The following RIPPLY3 variants were observed in gnomAD, a reference collection of about 807,000 sequenced individuals.
RIPPLY3 encodes ripply transcriptional repressor 3, also known as protein ripply3.
RIPPLY3 carries 8 observed loss-of-function variants against 11.9 expected under a neutral mutation model. That is an observed-to-expected ratio of 0.67 (90% confidence interval 0.40 to 1.21). The LOEUF is 1.21. Among genes scored for constraint, RIPPLY3 ranks in the 50% most tolerant of loss-of-function variants. RIPPLY3 has a pLI of 0.01. For missense variants in RIPPLY3, 271 were observed against 246.0 expected, an observed-to-expected ratio of 1.10 and a Z score of -0.68; for synonymous variants, 102 against 99.0, an observed-to-expected ratio of 1.03 and a Z score of -0.18.
At chr21:37,008,299 T>A in intron 2 of RIPPLY3, 76 bp downstream of exon 2, 1 of 1,492,524 alleles carries the variant, frequency 6.7e-7, no homozygotes, top group Non-Finnish European at 9.3e-7. Flanking sequence ...ACAGGGACCG[T>A]GAATGGCCTT....
intron 1 of RIPPLY3, 28 bp from the exon 2 acceptor site, chr21:37,008,129 C>T: frequency 6.2e-7 from 1 of 1,612,248 alleles, no homozygotes; most frequent in Non-Finnish European, 8.5e-7. Context: ...GCCCAGGGTT[C>T]ACTCTCTCCT....
At chr21:37,006,575 C>T (rs1969554352), upstream of RIPPLY3, 1 of 366,150 alleles carries the variant, frequency 2.7e-6, no homozygotes, top group Admixed American at 4.7e-5. This position sits in a 1 kb window ranked among gnomAD's most constrained non-coding sequence, Gnocchi z 5.2. Context: ...CCGACCCGGG[C>T]TTTTCCTTCG....
intron 2 of RIPPLY3, among the ~76,000 whole-genome samples, chr21:37,009,158 G>GA (rs1257498748): frequency 6.6e-6 from 1 of 152,004 alleles, no homozygotes; most frequent in Admixed American, 6.6e-5. Context: ...TATACTTACT[G>GA]ATGTAATGAC....
rs543294816 is a variant in RIPPLY3, at chr21:37,007,796, G to T, written c.105-361G>T. On this transcript the variant is annotated intron_variant, in intron 1 of 3. Coordinates refer to ENST00000329553, the MANE Select transcript of RIPPLY3 (RefSeq NM_018962.3). ...TCTCCTTCCGTGACCAAGGTGGTGTGATTGAAATTAACCGGGGACAAAGTA... is the reference window on the plus strand; with the variant it reads ...TCTCCTTCCGTGACCAAGGTGGTGTTATTGAAATTAACCGGGGACAAAGTA... 4.6e-5 allele frequency among the ~76,000 whole-genome samples: 7 copies of T among 152,322 alleles called. No homozygotes were observed. In the East Asian group the frequency reaches 1.4e-3, roughly 29 times the overall value.
chr21:37,007,553 C>T (rs1601093886), intron 1 of RIPPLY3, among the ~76,000 whole-genome samples: 2 of 151,668 alleles, frequency 1.3e-5, no homozygotes, highest in African/African-American at 4.8e-5. Context: ...GGATTACACG[C>T]GCCTGCCACC....
At chr21:37,009,805 T>C (rs1451211791) in intron 2 of RIPPLY3, among the ~76,000 whole-genome samples, 1 of 152,220 alleles carries the variant, frequency 6.6e-6, no homozygotes, top group Non-Finnish European at 1.5e-5. Flanking sequence ...GATCAGCAGG[T>C]AGCCTGTCAC....
At position 37,013,589 on chromosome 21, in the gene RIPPLY3, G is replaced by C. The variant is rs376066252; in HGVS notation, c.210G>C (p.Lys70Asn). ...PRADQHTFGS[K>N]GAFGFQHPVR... ...CTGACCAACACACTTTTGGATCAAA[G>C]GGAGCCTTTGGGTTTCAGCATCCTG... is the stretch of plus-strand genomic sequence containing the variant. The change falls in exon 3 of 4, where the codon AAG becomes AAC. Residue 70 changes from lysine (K) to asparagine (N), a missense_variant. Physicochemically the swap from Lys to Asn is moderately conservative, Grantham distance 94 (BLOSUM62 0). Transcript: ENST00000329553. 6.2e-7 allele frequency: 1 copy of C among 1,613,634 alleles called. No homozygotes were observed.
intron 2 of RIPPLY3, among the ~76,000 whole-genome samples, chr21:37,011,341 G>A (rs1248364659): frequency 6.6e-6 from 1 of 152,178 alleles, no homozygotes; most frequent in African/African-American, 2.4e-5. Flanking sequence ...ATATGTTTGT[G>A]GGGTAAGGTT....
intron 1 of RIPPLY3, 111 bp from the exon 2 acceptor site, chr21:37,008,045 TC>T (rs1172760881): frequency 3.8e-6 from 4 of 1,062,520 alleles, no homozygotes; most frequent in Non-Finnish European, 5.5e-6. Flanking sequence ...TCCTGGGGGG[TC>T]CGGTGCCTCT....
chr21:37,009,047 T>G (rs1442268245), intron 2 of RIPPLY3, among the ~76,000 whole-genome samples: 2 of 152,112 alleles, frequency 1.3e-5, no homozygotes, highest in African/African-American at 4.8e-5. Context: ...CTGGGGTATC[T>G]CATGTTGTCT....
chr21:37,018,322 C>A lies in RIPPLY3; in HGVS notation c.*115C>A. The A allele has an allele frequency of 1.2e-6, 1 of 839,716 alleles. No individual in the cohort carries two copies. The highest frequency in any genetic ancestry group is 1.9e-6 in the Non-Finnish European group (1 of 523,404). 52.0% of individuals were successfully genotyped at this position (839,716 alleles called of 1,614,324 possible). A position where few individuals can be genotyped will look rare whatever the true frequency, so the allele number is the denominator to read the frequency against. ...GAGTGTGCAGAGGCTAGAGGCTTCT[C>A]GGGCAGCCCCTGGCCTGCACACTAC... On this transcript the variant is annotated 3_prime_UTR_variant, in exon 4 of 4. Transcript: ENST00000329553.
chr21:37,006,693 G>A, upstream of RIPPLY3: 1 of 939,214 alleles, frequency 1.1e-6, no homozygotes, highest in Non-Finnish European at 1.4e-6. The surrounding 1 kb of genome is among the most constrained non-coding windows in gnomAD (Gnocchi z 5.2). Context: ...CGCGCGGGTA[G>A]GTGAGCGCGT....
upstream of RIPPLY3, chr21:37,006,629 C>A: frequency 4.7e-6 from 2 of 422,266 alleles, no homozygotes; most frequent in Non-Finnish European, 3.9e-6. This position sits in a 1 kb window ranked among gnomAD's most constrained non-coding sequence, Gnocchi z 5.2. Context: ...CTCCTCGGGT[C>A]CTGCCCCCTC....
At chr21:37,006,658 GC>G, upstream of RIPPLY3, 1 of 612,184 alleles carries the variant, frequency 1.6e-6, no homozygotes, top group Middle Eastern at 5.3e-4. The surrounding 1 kb of genome is among the most constrained non-coding windows in gnomAD (Gnocchi z 5.2). Flanking sequence ...TGCCCGCGCC[GC>G]CCCGCCCCCG....
rs549609649 is a variant in RIPPLY3 at position 37,015,635 on chromosome 21, G to A, written c.239+2017G>A. ...CAGTGAACCCCATGTACCCATCACCGGCCTCAATAGTTATCAATGTTCTGA... is the reference window on the plus strand; with the variant it reads ...CAGTGAACCCCATGTACCCATCACCAGCCTCAATAGTTATCAATGTTCTGA... On this transcript the variant is annotated intron_variant, in intron 3 of 3. Coordinates refer to ENST00000329553, the MANE Select transcript of RIPPLY3 (RefSeq NM_018962.3). Among the ~76,000 whole-genome samples the A allele has an allele frequency of 4.1e-4, 62 of 152,176 alleles. No individual in the cohort carries two copies. The South Asian group carries it at 4.4e-3, about 11-fold the overall frequency.
intron 3 of RIPPLY3, among the ~76,000 whole-genome samples, chr21:37,014,588 G>A (rs2069559562): frequency 6.6e-6 from 1 of 152,096 alleles, no homozygotes; most frequent in East Asian, 1.9e-4. Flanking sequence ...CCTTGCCTGG[G>A]CCGCCTCCAC....
chr21:37,016,285 C>T (rs2069577470), intron 3 of RIPPLY3, among the ~76,000 whole-genome samples: 1 of 152,062 alleles, frequency 6.6e-6, no homozygotes, highest in Non-Finnish European at 1.5e-5. Context: ...CAGTAGCTTA[C>T]CCTCCATTGT....
Position 37,008,220 on chromosome 21 carries a change from G to A in RIPPLY3, c.168G>A (p.Arg56=), listed in dbSNP as rs762183383. The change falls in exon 2 of 4, where the codon AGG becomes AGA. Residue 56 remains arginine (R), a synonymous_variant. Transcript: ENST00000329553. ...PGDAELTRTG[R]PLEPRADQHT... is the part of the protein sequence containing the mutation. ...ATGCTGAGCTGACCAGAACTGGAAG[G>A]CCGGTAAGGTTCAGTGCGGGCGTTG... 12 of 1,614,142 alleles carry A rather than the reference G, an allele frequency of 7.4e-6. No individual in the cohort carries two copies. Among genetic ancestry groups the A allele is most frequent in the Non-Finnish European group, 4.2e-6 (5 of 1,180,014 alleles).
rs534644967 is a variant in RIPPLY3, at chr21:37,010,386, G to A, written c.171+2163G>A. Among the ~76,000 whole-genome samples, 150 of 152,258 alleles carry A rather than the reference G, an allele frequency of 9.9e-4. 1 individual carries two copies. The highest frequency in any genetic ancestry group is 1.2e-3 in the Non-Finnish European group (83 of 68,006). On this transcript the variant is annotated intron_variant, in intron 2 of 3. Transcript: ENST00000329553. ...TGTGCGCCTGTAATCCTAGCTACTCGGGATGCTGAAGCAGGAGGATCGCTT... is the reference window on the plus strand; with the variant it reads ...TGTGCGCCTGTAATCCTAGCTACTCAGGATGCTGAAGCAGGAGGATCGCTT...
Sources: gnomAD v4.1 joint callset for allele counts (sites outside exome capture counted in the v4.1 genomes callset) on GRCh38, gnomAD v4.1.1 for gene constraint, Gnocchi (gnomAD v3.1) non-coding constraint, MANE v1.5 for transcripts, NCBI Gene and HGNC (gene_info 2026-07-23, HGNC 2026-07-21) for gene names.